The following TET3 variants were observed in gnomAD, a reference collection of about 807,000 sequenced individuals.
TET3 encodes the protein methylcytosine dioxygenase TET3.
Under a neutral mutation model 141.4 loss-of-function variants are expected in TET3, and 19 were observed. The ratio of observed to expected loss-of-function variants is 0.13; its 90% CI spans 0.09 to 0.20. The LOEUF is 0.20. TET3 is among the 10% of genes least tolerant of loss of function. TET3 has a pLI of 1.00. For missense variants in TET3, 1,874 were observed against 2,356.9 expected (o/e 0.80, Z 4.24); for synonymous variants, 1,043 against 980.9 (o/e 1.06, Z -1.18).
the TET3 span, among the ~76,000 whole-genome samples, chr2:74,118,849 T>C: frequency 2.6e-5 from 4 of 152,224 alleles, no homozygotes; most frequent in Admixed American, 6.5e-5. Context: ...CATAAAATTA[T>C]TGCACCCAGG....
rs756406394 is a variant in TET3, at chr2:74,017,792, T to C, written c.360+14626T>C. Among the ~76,000 whole-genome samples, 7 of 152,302 alleles carry C rather than the reference T, an allele frequency of 4.6e-5. No individual in the cohort carries two copies. In the Middle Eastern group the frequency reaches 0.02, roughly 444 times the overall value. On this transcript the variant is annotated intron_variant, in intron 3 of 11. Coordinates refer to ENST00000409262, the MANE Select transcript of TET3 (RefSeq NM_001287491.2). ...CTGGATCATACGGTAGTTCTAGTTT[T>C]AGTTTTTTTGAGAAACCTCCATGCT...
intron 6 of TET3, among the ~76,000 whole-genome samples, 176 bp downstream of exon 6, chr2:74,080,767 A>C (rs1689771457): frequency 6.6e-6 from 1 of 151,614 alleles, no homozygotes; most frequent in Non-Finnish European, 1.5e-5. Context: ...TTAGAGCTGG[A>C]ATCTGGCTCA....
In TET3 at chr2:74,093,071, A is replaced by T; in HGVS notation, c.3129+80A>T. 7.6e-7 allele frequency: 1 copy of T among 1,314,292 alleles called. No individual in the cohort carries two copies. The highest frequency in any genetic ancestry group is 1.1e-6 in the Non-Finnish European group (1 of 934,428). 81.4% of individuals were successfully genotyped at this position (1,314,292 alleles called of 1,614,324 possible). A position where few individuals can be genotyped will look rare whatever the true frequency, so the allele number is the denominator to read the frequency against. ...AGGCTCTGAAGGTGGGAAGTGGGAG[A>T]GTGGGCTCTTTTACTCTCTTATGGG... is the stretch of plus-strand genomic sequence containing the variant. On this transcript the variant is annotated intron_variant, in intron 9 of 11. Transcript: ENST00000409262. The surrounding 1 kb of genome is among the most constrained non-coding windows in gnomAD (Gnocchi z 4.2).
At chr2:74,041,785 C>T (rs1194380595) in intron 3 of TET3, among the ~76,000 whole-genome samples, 1 of 152,140 alleles carries the variant, frequency 6.6e-6, no homozygotes, top group Non-Finnish European at 1.5e-5. Flanking sequence ...CAGGATTTTA[C>T]CTCTTCTGAT....
At chr2:74,076,211 T>C (rs1396143824) in intron 5 of TET3, among the ~76,000 whole-genome samples, 1 of 152,162 alleles carries the variant, frequency 6.6e-6, no homozygotes, top group Non-Finnish European at 1.5e-5. Flanking sequence ...CTGTAGACTC[T>C]TCAGAAACTG....
At chr2:73,986,787 T>C (rs935357184) in intron 2 of TET3, 81 bp downstream of exon 2, 13 of 1,159,806 alleles carry the variant, frequency 1.1e-5, no homozygotes, top group Non-Finnish European at 1.4e-5. Flanking sequence ...GCAAGGCTCG[T>C]CCAGTTGAGT....
At chr2:74,004,902 A>T (rs1479631787) in intron 3 of TET3, among the ~76,000 whole-genome samples, 3 of 152,112 alleles carry the variant, frequency 2.0e-5, no homozygotes, top group African/African-American at 7.2e-5. Flanking sequence ...CGTAGAGTAG[A>T]TCTGCTCTGT....
intron 6 of TET3, among the ~76,000 whole-genome samples, chr2:74,083,767 T>C (rs1689962041): frequency 6.6e-6 from 1 of 152,280 alleles, no homozygotes; most frequent in Non-Finnish European, 1.5e-5. Context: ...TCTAATGACA[T>C]TGCGTGTTTG....
At chr2:74,113,299 T>C in the TET3 span, among the ~76,000 whole-genome samples, 1 of 152,076 alleles carries the variant, frequency 6.6e-6, no homozygotes, top group African/African-American at 2.4e-5. Flanking sequence ...GGCAGGAGAA[T>C]CACTTGAACC....
At position 74,027,210 on chromosome 2, in the gene TET3, G is replaced by C. The variant is rs141744643; in HGVS notation, c.361-19068G>C. ...TCACTGGCTCACCCACCCTCCTTGA[G>C]CTTGTGTTCAGTTTCTGCTTTTGCC... On this transcript the variant is annotated intron_variant, in intron 3 of 11. Transcript: ENST00000409262. 4.3e-3 allele frequency among the ~76,000 whole-genome samples: 650 copies of C among 152,240 alleles called. 2 individuals are homozygous for C. Among genetic ancestry groups the C allele is most frequent in the African/African-American group, 0.015 (622 of 41,528 alleles).
At chr2:74,031,347 G>A (rs1273356207) in intron 3 of TET3, among the ~76,000 whole-genome samples, 1 of 152,096 alleles carries the variant, frequency 6.6e-6, no homozygotes, top group Non-Finnish European at 1.5e-5. Flanking sequence ...AGGGACCCCC[G>A]TGGCCTTCCT....
chr2:74,039,782 G>C (rs1052947348), intron 3 of TET3, among the ~76,000 whole-genome samples: 1 of 152,198 alleles, frequency 6.6e-6, no homozygotes, highest in African/African-American at 2.4e-5. Flanking sequence ...CCTCAGCTGG[G>C]AATGTCAGCT....
chr2:74,072,546 C>T (rs911283396), intron 4 of TET3, among the ~76,000 whole-genome samples: 5 of 151,952 alleles, frequency 3.3e-5, no homozygotes, highest in Non-Finnish European at 7.4e-5. Flanking sequence ...AAGGTTCATC[C>T]ATATTGTAGC....
At chr2:74,132,024 TC>T in the TET3 span, among the ~76,000 whole-genome samples, 1 of 151,580 alleles carries the variant, frequency 6.6e-6, no homozygotes, top group Non-Finnish European at 1.5e-5. Flanking sequence ...GAAGGAAGAG[TC>T]CCCTGTCTTC....
At chr2:74,064,053 A>G (rs1005363872) in intron 4 of TET3, among the ~76,000 whole-genome samples, 11 of 152,250 alleles carry the variant, frequency 7.2e-5, no homozygotes, top group Non-Finnish European at 8.8e-5. Flanking sequence ...TTGTCAGAAT[A>G]TAAGAGTTGG....
the TET3 span, among the ~76,000 whole-genome samples, chr2:74,114,202 G>T: frequency 6.6e-6 from 1 of 152,158 alleles, no homozygotes; most frequent in South Asian, 2.1e-4. Flanking sequence ...ACTCACTGGG[G>T]AAAGGACAAT....
At chr2:73,987,795 G>A (rs1328208997) in intron 2 of TET3, among the ~76,000 whole-genome samples, 3 of 152,192 alleles carry the variant, frequency 2.0e-5, no homozygotes, top group African/African-American at 4.8e-5. Context: ...TCTTCCAGCT[G>A]GGCTGGGAGC....
In TET3 at chr2:74,028,805, T is replaced by A. The variant is rs575812854; in HGVS notation, c.361-17473T>A. 1.1e-4 allele frequency among the ~76,000 whole-genome samples: 17 copies of A among 152,370 alleles called. No homozygotes were observed. The South Asian group carries it at 3.1e-3, about 28-fold the overall frequency. On this transcript the variant is annotated intron_variant, in intron 3 of 11. Transcript: ENST00000409262. ...GAATGAATTACTAGAAAAATGATCATGTGCTTAGATGCCATGACAATGTCA... is the reference window on the plus strand; with the variant it reads ...GAATGAATTACTAGAAAAATGATCAAGTGCTTAGATGCCATGACAATGTCA...
intron 4 of TET3, among the ~76,000 whole-genome samples, chr2:74,065,161 A>T (rs1185078313): frequency 1.3e-5 from 2 of 152,254 alleles, no homozygotes; most frequent in African/African-American, 4.8e-5. Context: ...GGTTTAAGTG[A>T]CAAGGTTTAT....
Sources: gnomAD v4.1 joint callset for allele counts (sites outside exome capture counted in the v4.1 genomes callset) on GRCh38, gnomAD v4.1.1 for gene constraint, Gnocchi (gnomAD v3.1) non-coding constraint, MANE v1.5 for transcripts, NCBI Gene and HGNC (gene_info 2026-07-23, HGNC 2026-07-21) for gene names.